DYSF: variants seen among roughly 807,000 people sequenced by gnomAD.
DYSF encodes dystrophy-associated fer-1-like 1.
DYSF carries 212 observed loss-of-function variants against 274.9 expected under a neutral mutation model. The ratio of observed to expected loss-of-function variants is 0.77; its 90% confidence interval spans 0.69 to 0.86. The LOEUF (loss-of-function observed/expected upper bound fraction) is 0.86. DYSF is among the 40% of genes least tolerant of loss of function. DYSF has a pLI of 0.00. For synonymous variants in DYSF, 1,091 were observed against 1,078.7 expected, an observed-to-expected ratio of 1.01 and a Z score of -0.22; for missense variants, 2,666 against 2,783.2, an observed-to-expected ratio of 0.96 and a Z score of 0.95.
rs1284897680 is a variant in DYSF at position 71,658,927 on chromosome 2, C to T, written c.4805C>T (p.Pro1602Leu). Residue 1602 changes from proline (P) to leucine (L), a missense_variant, in exon 44 of 56, where the codon CCC becomes CTC. By Grantham distance (98) the Pro-to-Leu change is moderately conservative. Transcript: ENST00000410020. Reference protein sequence around the residue: ...PLPEDPAIPMPPRQFHQLAAQ... With the variant: ...PLPEDPAIPMLPRQFHQLAAQ... Reference sequence around the variant, plus strand: ...CCAGAAGACCCAGCCATCCCCATGCCCCCAAGACAGTTCCACCAGCTGGCC... The same window carrying T: ...CCAGAAGACCCAGCCATCCCCATGCTCCCAAGACAGTTCCACCAGCTGGCC... 2 of 1,614,186 alleles carry T rather than the reference C, an allele frequency of 1.2e-6. No homozygotes were observed. The highest frequency in any genetic ancestry group is 3.3e-5 in the Admixed American group (2 of 60,022).
intron 1 of DYSF, among the ~76,000 whole-genome samples, chr2:71,479,747 C>T (rs1024385455): frequency 2.6e-4 from 40 of 152,294 alleles, no homozygotes; most frequent in African/African-American, 9.1e-4. Flanking sequence ...AGTGGGTCAG[C>T]TCTCAGCCAT....
exon 1 of DYSF, chr2:71,453,645 C>T: frequency 2.8e-6 from 1 of 356,924 alleles, no homozygotes; most frequent in Non-Finnish European, 5.5e-6. Context: ...CAGCCAGGTG[C>T]AAAATGCCGT....
chr2:71,547,917 C>T (rs561890853), intron 17 of DYSF, among the ~76,000 whole-genome samples: 7 of 152,318 alleles, frequency 4.6e-5, no homozygotes, highest in African/African-American at 9.6e-5. Flanking sequence ...CCCGAGATAA[C>T]GGGCCAGGCC....
chr2:71,684,218 C>T (rs746239638), intron 55 of DYSF, among the ~76,000 whole-genome samples: 18 of 152,168 alleles, frequency 1.2e-4, no homozygotes, highest in South Asian at 2.1e-4. Context: ...CCAAGGGAGA[C>T]GAGATTACAA....
intron 41 of DYSF, among the ~76,000 whole-genome samples, chr2:71,636,670 C>T (rs894630273): frequency 2.4e-4 from 36 of 152,150 alleles, no homozygotes; most frequent in African/African-American, 8.2e-4. Flanking sequence ...GGGAAGGCAC[C>T]CAGGCTGGAC....
intron 41 of DYSF, among the ~76,000 whole-genome samples, chr2:71,637,561 G>A (rs1235076366): frequency 6.6e-6 from 1 of 152,010 alleles, no homozygotes; most frequent in African/African-American, 2.4e-5. Context: ...GAGATGAGGT[G>A]CCGGGCGGCA....
chr2:71,579,766 G>C (rs1354324961), intron 30 of DYSF, among the ~76,000 whole-genome samples: 1 of 152,172 alleles, frequency 6.6e-6, no homozygotes, highest in Non-Finnish European at 1.5e-5. Context: ...AAGAAAATTT[G>C]ATTCCCCAAT....
At chr2:71,507,310 C>T (rs896536444) in intron 4 of DYSF, among the ~76,000 whole-genome samples, 10 of 152,188 alleles carry the variant, frequency 6.6e-5, no homozygotes, top group Non-Finnish European at 1.2e-4. Flanking sequence ...AGGTGTGGCC[C>T]CTTCAAGTTT....
At chr2:71,643,890 A>C in intron 41 of DYSF, 75 bp from the exon 42 acceptor site, 1 of 1,188,152 alleles carries the variant, frequency 8.4e-7, no homozygotes, top group South Asian at 1.3e-5. Flanking sequence ...CAGCGGAGGG[A>C]GGGTTTCCAA....
intron 51 of DYSF, among the ~76,000 whole-genome samples, chr2:71,670,205 A>C (rs2095095329): frequency 6.6e-6 from 1 of 152,078 alleles, no homozygotes; most frequent in African/African-American, 2.4e-5. Flanking sequence ...CCACCTCATG[A>C]TCACACAGTG....
chr2:71,455,927 G>C (rs1007150155), intron 1 of DYSF, among the ~76,000 whole-genome samples: 1 of 152,108 alleles, frequency 6.6e-6, no homozygotes, highest in Non-Finnish European at 1.5e-5. Flanking sequence ...CCCAGGCTAG[G>C]CTCAGACCTC....
intron 52 of DYSF, among the ~76,000 whole-genome samples, chr2:71,675,855 A>G (rs1198176923): frequency 1.3e-5 from 2 of 152,058 alleles, no homozygotes; most frequent in Non-Finnish European, 2.9e-5. Context: ...ATATATACAC[A>G]TGTACATGCA....
intron 55 of DYSF, among the ~76,000 whole-genome samples, chr2:71,685,362 G>A (rs925653286): frequency 4.6e-5 from 7 of 152,218 alleles, no homozygotes; most frequent in African/African-American, 1.7e-4. Context: ...GGGGTCTAGG[G>A]ATGAAGGGGG....
chr2:71,522,919 C>A (rs190592797), intron 12 of DYSF, among the ~76,000 whole-genome samples: 1 of 152,122 alleles, frequency 6.6e-6, no homozygotes, highest in East Asian at 1.9e-4. Flanking sequence ...CCTCAGTGTA[C>A]GCCTCTTCTT....
At chr2:71,605,084 C>G (rs1234668379) in intron 36 of DYSF, among the ~76,000 whole-genome samples, 7 of 152,208 alleles carry the variant, frequency 4.6e-5, no homozygotes, top group Admixed American at 4.6e-4. Flanking sequence ...TCCTCGCAGA[C>G]AGAGCAGATG....
At chr2:71,518,469 C>A (rs111456843) in intron 10 of DYSF, among the ~76,000 whole-genome samples, 1 of 148,916 alleles carries the variant, frequency 6.7e-6, no homozygotes. Context: ...GTTTCACCAT[C>A]TTGGTCAGTC....
In DYSF at chr2:71,664,411, G is replaced by T. The variant is rs138472236; in HGVS notation, c.5147G>T (p.Arg1716Leu). Residue 1716 changes from arginine (R) to leucine (L), a missense_variant, in exon 46 of 56, where the codon CGC becomes CTC. Physicochemically the swap from Arg to Leu is moderately radical, Grantham distance 102 (BLOSUM62 -2). Coordinates refer to ENST00000410020, the MANE Select transcript of DYSF (RefSeq NM_001130987.2). The stretch of plus-strand genomic sequence containing the variant: ...AGGCTGCTGTCCAAGTTTGGGGCTC[G>T]CTGTGGACTCCCACAGACCTACTGT... The part of the protein sequence containing the change: ...ENRLLSKFGA[R>L]CGLPQTYCVS... The T allele has an allele frequency of 6.8e-6, 11 of 1,614,040 alleles. No individual in the cohort carries two copies. Among genetic ancestry groups the T allele is most frequent in the South Asian group, 1.1e-5 (1 of 91,082 alleles).
At chr2:71,563,862 G>T (rs1228279090) in intron 23 of DYSF, among the ~76,000 whole-genome samples, 196 bp from the exon 24 acceptor site, 3 of 152,214 alleles carry the variant, frequency 2.0e-5, no homozygotes, top group Non-Finnish European at 4.4e-5. Flanking sequence ...TTCTCTGGGG[G>T]CTCACCGCCA....
Position 71,490,997 on chromosome 2 carries a change from A to G in DYSF, c.239+9027A>G, listed in dbSNP as rs562265036. 2.6e-5 allele frequency among the ~76,000 whole-genome samples: 4 copies of G among 152,312 alleles called. No individual in the cohort carries two copies. In the South Asian group the frequency reaches 8.3e-4, roughly 32 times the overall value. On this transcript the variant is annotated intron_variant, in intron 3 of 55. Coordinates refer to ENST00000410020, the MANE Select transcript of DYSF (RefSeq NM_001130987.2). ...AAGTGGGATTACTAGATCAAAGGGTATAAGCAAATAACATTTTTTGTAGAT... is the reference window on the plus strand; with the variant it reads ...AAGTGGGATTACTAGATCAAAGGGTGTAAGCAAATAACATTTTTTGTAGAT...
Sources: allele counts gnomAD v4.1 joint callset (sites outside exome capture counted in the v4.1 genomes callset), GRCh38; gene constraint gnomAD v4.1.1; transcripts MANE v1.5; gene names NCBI Gene and HGNC (gene_info 2026-07-23, HGNC 2026-07-21).